Variants in PDE7B observed in about 807,000 individuals in gnomAD.
The protein encoded by PDE7B is 3',5'-cyclic-AMP phosphodiesterase 7B.
In PDE7B, 29 loss-of-function variants were observed where a neutral mutation model predicts 56.2. That is an observed-to-expected ratio of 0.52 (90% CI 0.38 to 0.70). PDE7B has a LOEUF of 0.70. PDE7B is among the 30% of genes least tolerant of loss of function. The pLI, the probability that PDE7B is intolerant of heterozygous loss-of-function variation, is 0.00. For synonymous variants in PDE7B, 197 were observed against 196.9 expected (o/e 1.00, Z 0.00); for missense variants, 490 against 565.0 (o/e 0.87, Z 1.35).
intron 8 of PDE7B, among the ~76,000 whole-genome samples, chr6:136,171,982 G>A (rs1175681058): frequency 6.6e-6 from 1 of 151,738 alleles, no homozygotes; most frequent in African/African-American, 2.4e-5. Flanking sequence ...ATTTTTTATG[G>A]CTGCATAGTA....
At chr6:135,935,323 A>C (rs1436964523) in intron 1 of PDE7B, among the ~76,000 whole-genome samples, 1 of 148,592 alleles carries the variant, frequency 6.7e-6, no homozygotes, top group East Asian at 2.0e-4. Flanking sequence ...GACTCCACCT[A>C]AAGCATCTGT....
chr6:136,175,168 T>C (rs1161058462), intron 9 of PDE7B, among the ~76,000 whole-genome samples: 1 of 152,208 alleles, frequency 6.6e-6, no homozygotes, highest in Non-Finnish European at 1.5e-5. Context: ...CAATGAAAAA[T>C]ATATTTTTAT....
chr6:135,891,258 C>A (rs1370157075), intron 1 of PDE7B, among the ~76,000 whole-genome samples: 1 of 151,894 alleles, frequency 6.6e-6, no homozygotes, highest in African/African-American at 2.4e-5. Flanking sequence ...AGATGAGAAC[C>A]CAAAGAGTAA....
chr6:136,072,722 T>C (rs1368637737), intron 2 of PDE7B: 1 of 152,154 alleles, frequency 6.6e-6, no homozygotes, highest in African/African-American at 2.4e-5. Context: ...CTGAGAAAGG[T>C]TGCAAGGGTG....
intron 1 of PDE7B, among the ~76,000 whole-genome samples, chr6:135,943,747 G>T (rs1363925059): frequency 3.3e-5 from 5 of 152,130 alleles, no homozygotes; most frequent in African/African-American, 1.2e-4. Flanking sequence ...ATTTATGAAG[G>T]CCCTGGTATG....
intron 2 of PDE7B, among the ~76,000 whole-genome samples, chr6:136,003,939 T>C (rs1482069917): frequency 6.6e-6 from 1 of 152,060 alleles, no homozygotes; most frequent in African/African-American, 2.4e-5. Context: ...TGAACATTGA[T>C]GCAAAAATCC....
intron 8 of PDE7B, among the ~76,000 whole-genome samples, chr6:136,169,189 G>A (rs1482745434): frequency 6.6e-6 from 1 of 152,158 alleles, no homozygotes; most frequent in African/African-American, 2.4e-5. Flanking sequence ...CTGGCACAGA[G>A]TTGGTGTTTG....
At chr6:135,868,209 T>C (rs542299171) in intron 1 of PDE7B, among the ~76,000 whole-genome samples, 1 of 152,284 alleles carries the variant, frequency 6.6e-6, no homozygotes, top group East Asian at 1.9e-4. Context: ...ATAAGTTCTT[T>C]GGCACTACCA....
intron 1 of PDE7B, among the ~76,000 whole-genome samples, chr6:135,903,900 T>C (rs1469092097): frequency 6.6e-6 from 1 of 152,136 alleles, no homozygotes; most frequent in African/African-American, 2.4e-5. Flanking sequence ...GAAGGTGAAA[T>C]ATATGAGAAA....
intron 2 of PDE7B, among the ~76,000 whole-genome samples, chr6:136,031,973 C>T (rs377338482): frequency 4.6e-5 from 7 of 152,048 alleles, no homozygotes; most frequent in African/African-American, 1.7e-4. Flanking sequence ...TTCTTGAGAG[C>T]GTTCAAAATT....
At chr6:135,909,848 G>C (rs112069235) in intron 1 of PDE7B, among the ~76,000 whole-genome samples, 1 of 152,120 alleles carries the variant, frequency 6.6e-6, no homozygotes, top group Admixed American at 6.5e-5. Flanking sequence ...GCATTGCAAG[G>C]TCAGCAGCCG....
intron 1 of PDE7B, among the ~76,000 whole-genome samples, chr6:135,939,229 T>C (rs1774468725): frequency 6.6e-6 from 1 of 152,254 alleles, no homozygotes; most frequent in South Asian, 2.1e-4. Context: ...AGATTTGCTG[T>C]TGATTGTTGG....
chr6:135,941,632 T>C (rs1185220952), intron 1 of PDE7B, among the ~76,000 whole-genome samples: 1 of 152,250 alleles, frequency 6.6e-6, no homozygotes, highest in African/African-American at 2.4e-5. Flanking sequence ...AATAATTTCA[T>C]AAACATCTAA....
chr6:136,148,844 C>CAATCT (rs1375912775), intron 4 of PDE7B, among the ~76,000 whole-genome samples: 1 of 152,174 alleles, frequency 6.6e-6, no homozygotes, highest in East Asian at 1.9e-4. Context: ...AAGTCTCACG[C>CAATCT]AATCTAAACC....
chr6:136,125,192 C>T (rs903566327), intron 3 of PDE7B, among the ~76,000 whole-genome samples: 6 of 152,054 alleles, frequency 3.9e-5, no homozygotes, highest in African/African-American at 9.7e-5. Flanking sequence ...TTACTATAAT[C>T]GTTACATGTA....
At chr6:136,180,678 A>G (rs1779048777) in intron 10 of PDE7B, among the ~76,000 whole-genome samples, 1 of 152,248 alleles carries the variant, frequency 6.6e-6, no homozygotes, top group Non-Finnish European at 1.5e-5. Context: ...TCTCAGATCC[A>G]GACCAGTGTG....
chr6:136,178,525 T>C (rs964562002), intron 9 of PDE7B, among the ~76,000 whole-genome samples: 2 of 152,242 alleles, frequency 1.3e-5, no homozygotes, highest in South Asian at 2.1e-4. Flanking sequence ...TCCTGGCCTA[T>C]GTATTGTGTT....
chr6:135,920,972 T>C (rs1314627160), intron 1 of PDE7B, among the ~76,000 whole-genome samples: 1 of 152,172 alleles, frequency 6.6e-6, no homozygotes, highest in African/African-American at 2.4e-5. Flanking sequence ...TCTTTTTCTC[T>C]TGGGAGGTGC....
At chr6:135,944,977 T>C (rs968278795) in intron 1 of PDE7B, among the ~76,000 whole-genome samples, 2 of 152,208 alleles carry the variant, frequency 1.3e-5, no homozygotes, top group Admixed American at 6.5e-5. Context: ...AGAATGTGAA[T>C]TGATAGAGCT....
Sources: allele counts gnomAD v4.1 joint callset (sites outside exome capture counted in the v4.1 genomes callset), GRCh38; gene constraint gnomAD v4.1.1; transcripts MANE v1.5; gene names NCBI Gene and HGNC (gene_info 2026-07-23, HGNC 2026-07-21).